The following GLRA1 variants were observed in gnomAD, a reference collection of about 807,000 sequenced individuals.
GLRA1 encodes the protein glycine receptor alpha 1.
GLRA1 carries 37 observed loss-of-function variants against 48.3 expected under a neutral mutation model. The ratio of observed to expected loss-of-function variants is 0.77; its 90% CI spans 0.59 to 1.01. The LOEUF (loss-of-function observed/expected upper bound fraction) is 1.01, where lower values mean the gene tolerates loss of function less well. GLRA1 is among the 50% of genes least tolerant of loss of function. The pLI, the probability that GLRA1 is intolerant of heterozygous loss-of-function variation, is 0.00. For missense variants in GLRA1, 427 were observed against 571.0 expected (o/e 0.75, Z 2.57); for synonymous variants, 196 against 210.7 (o/e 0.93, Z 0.60).
intron 7 of GLRA1, among the ~76,000 whole-genome samples, chr5:151,830,968 G>C (rs1207205386): frequency 6.6e-6 from 1 of 152,220 alleles, no homozygotes; most frequent in Non-Finnish European, 1.5e-5. Flanking sequence ...CACTGGGACT[G>C]GTTAGACAGT....
At chr5:151,836,235 A>C (rs1040859216) in intron 7 of GLRA1, among the ~76,000 whole-genome samples, 1 of 152,198 alleles carries the variant, frequency 6.6e-6, no homozygotes, top group African/African-American at 2.4e-5. Flanking sequence ...AATACCTAGG[A>C]ATACAGCTTA....
Position 151,849,158 on chromosome 5 carries a change from T to TTTCCTTC in GLRA1, c.912+2231_912+2232insGAAGGAA, listed in dbSNP as rs1251392534. The TTTCCTTC allele has an allele frequency of 3.2e-5, 4 of 126,322 alleles. 1 individual carries two copies. Among genetic ancestry groups the TTTCCTTC allele is most frequent in the African/African-American group, 1.8e-4 (3 of 16,450 alleles). The allele number at this position is 126,322 out of a possible 1,614,324, so 7.8% of individuals were successfully genotyped here. On this transcript the variant is annotated intron_variant, in intron 7 of 8. Coordinates refer to ENST00000274576, the MANE Select transcript of GLRA1 (RefSeq NM_000171.4). ...TTTCTTTCTTTCTTTCTTTCTTTTC[T>TTTCCTTC]TTTCTTTTCTTTCTTTCTTTCTTTC...
chr5:151,848,507 C>T (rs1193710235), intron 7 of GLRA1, among the ~76,000 whole-genome samples: 1 of 152,172 alleles, frequency 6.6e-6, no homozygotes, highest in African/African-American at 2.4e-5. Context: ...GCTGGGATTA[C>T]AAGCGCGGGC....
chr5:151,919,165 C>G (rs1325825345), intron 1 of GLRA1, among the ~76,000 whole-genome samples: 2 of 152,116 alleles, frequency 1.3e-5, no homozygotes, highest in African/African-American at 4.8e-5. Context: ...CATTGCTTAT[C>G]CCATGGTATT....
At chr5:151,867,759 T>A (rs1005555804) in intron 3 of GLRA1, among the ~76,000 whole-genome samples, 1 of 152,152 alleles carries the variant, frequency 6.6e-6, no homozygotes, top group Non-Finnish European at 1.5e-5. Flanking sequence ...TTTGTCTGAT[T>A]ACATAAAGTT....
chr5:151,889,079 T>C (rs1443730789), intron 2 of GLRA1, among the ~76,000 whole-genome samples: 1 of 152,222 alleles, frequency 6.6e-6, no homozygotes, highest in African/African-American at 2.4e-5. Flanking sequence ...ACCCAGTCCC[T>C]GCAAGTGTCT....
chr5:151,895,172 T>C (rs549409786), intron 1 of GLRA1, among the ~76,000 whole-genome samples: 13 of 152,298 alleles, frequency 8.5e-5, no homozygotes, highest in Admixed American at 3.3e-4. Flanking sequence ...TAGGTTTGTA[T>C]GTACAAAATG....
intron 7 of GLRA1, among the ~76,000 whole-genome samples, chr5:151,839,112 A>C (rs969675912): frequency 1.3e-5 from 2 of 152,250 alleles, no homozygotes; most frequent in African/African-American, 4.8e-5. Flanking sequence ...AACATTTTCA[A>C]AGTGCTGAAA....
chr5:151,830,958 C>T (rs1248807582), intron 7 of GLRA1, among the ~76,000 whole-genome samples: 5 of 152,202 alleles, frequency 3.3e-5, no homozygotes, highest in Non-Finnish European at 1.5e-5. Flanking sequence ...CAGCTCATCT[C>T]ACTGGGACTG....
At chr5:151,835,586 G>A (rs2113304017) in intron 7 of GLRA1, among the ~76,000 whole-genome samples, 1 of 152,286 alleles carries the variant, frequency 6.6e-6, no homozygotes, top group Non-Finnish European at 1.5e-5. Context: ...ACTGAATCCA[G>A]CAGCACATCA....
chr5:151,924,536 T>C lies in GLRA1; in HGVS notation c.14A>G (p.Asn5Ser), dbSNP rs1205202629. 7 of 1,604,572 alleles carry C rather than the reference T, an allele frequency of 4.4e-6. No homozygotes were observed. The South Asian group carries it at 5.5e-5, about 13-fold the overall frequency. Reference sequence around the variant, plus strand: ...CTCCCAAAGGTAGAGTCGAAGAGTATTGAAGCTGTACATTTTTCAGGTCCT... The same window carrying C: ...CTCCCAAAGGTAGAGTCGAAGAGTACTGAAGCTGTACATTTTTCAGGTCCT... Reference protein sequence around the residue: MYSFNTLRLYLWETI... With the variant: MYSFSTLRLYLWETI... Residue 5 changes from asparagine to serine, a missense_variant, in exon 1 of 9, where the codon AAT (asparagine) becomes AGT (serine). Coordinates refer to ENST00000274576, the MANE Select transcript of GLRA1 (RefSeq NM_000171.4).
intron 6 of GLRA1, 82 bp downstream of exon 6, chr5:151,854,958 G>A: frequency 1.4e-6 from 2 of 1,402,518 alleles, no homozygotes; most frequent in Admixed American, 3.3e-5. Flanking sequence ...AAGATCTGTT[G>A]GATCAATGAT....
intron 7 of GLRA1, among the ~76,000 whole-genome samples, chr5:151,834,222 G>A (rs1031689915): frequency 1.3e-5 from 2 of 152,118 alleles, no homozygotes; most frequent in Non-Finnish European, 2.9e-5. Context: ...CACATAATTG[G>A]AAGTAAAACA....
At chr5:151,883,806 A>G (rs1353340988) in intron 3 of GLRA1, among the ~76,000 whole-genome samples, 1 of 152,210 alleles carries the variant, frequency 6.6e-6, no homozygotes, top group African/African-American at 2.4e-5. Flanking sequence ...GGCCAAGATC[A>G]CAGAGCTGAG....
intron 7 of GLRA1, among the ~76,000 whole-genome samples, chr5:151,839,305 A>G (rs1763653942): frequency 6.6e-6 from 1 of 152,240 alleles, no homozygotes; most frequent in Admixed American, 6.5e-5. Context: ...ACGAAGAAAT[A>G]AGGAGTATTA....
chr5:151,873,627 C>T (rs995956448), intron 3 of GLRA1, among the ~76,000 whole-genome samples: 1 of 148,668 alleles, frequency 6.7e-6, no homozygotes. Context: ...GATCACGCCA[C>T]TGCACTCCAA....
chr5:151,895,643 G>T (rs1406370852), intron 1 of GLRA1, among the ~76,000 whole-genome samples: 1 of 151,910 alleles, frequency 6.6e-6, no homozygotes, highest in Non-Finnish European at 1.5e-5. Context: ...GTGTGTGTGT[G>T]TGTGTGTGTG....
intron 1 of GLRA1, among the ~76,000 whole-genome samples, chr5:151,914,342 A>C (rs1038857838): frequency 2.6e-5 from 4 of 152,028 alleles, no homozygotes; most frequent in African/African-American, 2.4e-5. Flanking sequence ...TCTGGGCTGG[A>C]TGTGGTTTTC....
intron 4 of GLRA1, among the ~76,000 whole-genome samples, chr5:151,856,887 CAAAT>C (rs545555660): frequency 2.6e-4 from 40 of 152,298 alleles, no homozygotes; most frequent in Admixed American, 2.0e-3. Flanking sequence ...ACTGTTAACA[CAAAT>C]AAAGGAATTT....
Sources: allele counts gnomAD v4.1 joint callset (sites outside exome capture counted in the v4.1 genomes callset), GRCh38; gene constraint gnomAD v4.1.1; transcripts MANE v1.5; gene names NCBI Gene and HGNC (gene_info 2026-07-23, HGNC 2026-07-21).